Variants in SZRD1 observed in about 807,000 individuals in gnomAD.
SZRD1 encodes the protein SUZ RNA binding domain containing 1.
A neutral mutation model predicts 17.6 loss-of-function variants in SZRD1; 7 were observed. The ratio of observed to expected loss-of-function variants is 0.40; its 90% CI spans 0.23 to 0.75. The LOEUF (loss-of-function observed/expected upper bound fraction) is 0.75. Among genes scored for constraint, SZRD1 ranks in the 30% least tolerant of loss-of-function variants. The pLI, the probability that SZRD1 is intolerant of heterozygous loss-of-function variation, is 0.38. For missense variants in SZRD1, 178 were observed against 201.8 expected, an observed-to-expected ratio of 0.88 and a Z score of 0.71; for synonymous variants, 77 against 77.9, an observed-to-expected ratio of 0.99 and a Z score of 0.06.
chr1:16,374,888 GT>G (rs550692966), intron 1 of SZRD1, among the ~76,000 whole-genome samples: 2 of 148,800 alleles, frequency 1.3e-5, no homozygotes, highest in African/African-American at 2.4e-5. Flanking sequence ...GTTTTGTTTT[GT>G]TTTTTTGAGA....
chr1:16,371,247 A>C (rs2082907825), intron 1 of SZRD1, among the ~76,000 whole-genome samples: 1 of 151,882 alleles, frequency 6.6e-6, no homozygotes, highest in South Asian at 2.1e-4. Flanking sequence ...GCTGGGGTGC[A>C]GTGGGGAACA....
chr1:16,374,021 T>C (rs986588604), intron 1 of SZRD1, among the ~76,000 whole-genome samples: 1 of 152,200 alleles, frequency 6.6e-6, no homozygotes, highest in African/African-American at 2.4e-5. Context: ...ATGCTTTGTG[T>C]AGCTGCTGTC....
intron 1 of SZRD1, 132 bp downstream of exon 1, chr1:16,367,440 C>A: frequency 1.2e-6 from 1 of 804,822 alleles, no homozygotes; most frequent in Non-Finnish European, 1.9e-6. Context: ...GGTGGAGAGG[C>A]CCCCAGTTCC....
intron 1 of SZRD1, chr1:16,387,629 A>C (rs1018565839): frequency 2.2e-6 from 1 of 456,692 alleles, no homozygotes; most frequent in African/African-American, 2.0e-5. Context: ...TGCCTGGTCT[A>C]TGAAGGCATT....
In SZRD1 at chr1:16,397,958, G is replaced by T. The variant is rs2102641; in HGVS notation, c.*2818G>T. ...CTGTTTTCTGGTCGTGTGATCCCAG[G>T]GGTGCACATGGGCCCCTTGGGTGTC... On this transcript the variant is annotated 3_prime_UTR_variant, in exon 4 of 4. Transcript: ENST00000401088. The surrounding 1 kb of genome is among the most constrained non-coding windows in gnomAD (Gnocchi z 5.4). 1 of 621,846 alleles carries T rather than the reference G, an allele frequency of 1.6e-6. No homozygotes were observed. Among genetic ancestry groups the T allele is most frequent in the Non-Finnish European group, 2.0e-6 (1 of 497,968 alleles). 38.5% of individuals were successfully genotyped at this position (621,846 alleles called of 1,614,324 possible).
chr1:16,373,579 C>CA (rs551574637), intron 1 of SZRD1, among the ~76,000 whole-genome samples: 3,055 of 60,700 alleles, frequency 0.05, 36 homozygotes, highest in African/African-American at 0.07. Context: ...AACTCCGTCT[C>CA]AAAAAAAAAA....
intron 1 of SZRD1, among the ~76,000 whole-genome samples, chr1:16,370,550 A>AT (rs2082897495): frequency 8.4e-6 from 1 of 118,614 alleles, no homozygotes; most frequent in South Asian, 2.7e-4. Context: ...TTTTTTTTTT[A>AT]TTTTTTGAGA....
Position 16,388,393 on chromosome 1 carries a change from A to G in SZRD1, c.52-2982A>G, listed in dbSNP as rs115381835. 6.5e-3 allele frequency among the ~76,000 whole-genome samples: 965 copies of G among 149,588 alleles called. 8 individuals carry two copies. Among genetic ancestry groups the G allele is most frequent in the African/African-American group, 0.022 (874 of 39,654 alleles). ...AGTGCTAGGATTGTAGGCGTGAGCT[A>G]CCATGCCCAGCCAAATATATAAATA... On this transcript the variant is annotated intron_variant, in intron 1 of 3. Coordinates refer to ENST00000401088, the MANE Select transcript of SZRD1 (RefSeq NM_001114600.3).
intron 1 of SZRD1, among the ~76,000 whole-genome samples, chr1:16,384,783 T>C (rs1456512630): frequency 1.3e-5 from 2 of 152,210 alleles, no homozygotes; most frequent in African/African-American, 4.8e-5. Flanking sequence ...TTTGTGTTAC[T>C]CAGGGCCTGT....
intron 1 of SZRD1, 151 bp downstream of exon 1, chr1:16,367,459 G>T (rs1481930151): frequency 4.4e-6 from 3 of 680,648 alleles, no homozygotes; most frequent in East Asian, 6.2e-5. Context: ...CCTGAGCGCC[G>T]TGAAGGCCTC....
In SZRD1 at chr1:16,386,622, G is replaced by C. The variant is rs372708962; in HGVS notation, c.52-4753G>C. 3.9e-5 allele frequency among the ~76,000 whole-genome samples: 6 copies of C among 152,268 alleles called. No homozygotes were observed. In the East Asian group the frequency reaches 1.2e-3, roughly 29 times the overall value. On this transcript the variant is annotated intron_variant, in intron 1 of 3. Coordinates refer to ENST00000401088, the MANE Select transcript of SZRD1 (RefSeq NM_001114600.3). ...GGGAGATGCGATGCCCTCTCCAGCT[G>C]CTGGCAGAGCATTCCTTCTCCTGCT...
At chr1:16,369,899 CAAAA>C (rs767599484) in intron 1 of SZRD1, among the ~76,000 whole-genome samples, 1 of 136,252 alleles carries the variant, frequency 7.3e-6, no homozygotes, top group Non-Finnish European at 1.6e-5. Context: ...AAAAAAAAAA[CAAAA>C]AAAAAAAACT....
chr1:16,369,944 G>A (rs1045538076), intron 1 of SZRD1, among the ~76,000 whole-genome samples: 1 of 149,862 alleles, frequency 6.7e-6, no homozygotes, highest in Non-Finnish European at 1.5e-5. Flanking sequence ...TTGCCTTATT[G>A]ACATCATGAA....
At chr1:16,367,433 G>A in intron 1 of SZRD1, 125 bp downstream of exon 1, 2 of 884,910 alleles carry the variant, frequency 2.3e-6, no homozygotes, top group Admixed American at 5.9e-5. Context: ...TGGGGGTGGT[G>A]GAGAGGCCCC....
chr1:16,387,808 G>A (rs970728311), intron 1 of SZRD1: 1 of 415,488 alleles, frequency 2.4e-6, no homozygotes, highest in Non-Finnish European at 4.8e-6. Context: ...ATAGGCAATA[G>A]ACTAATATGA....
rs1266298866 is a variant in SZRD1, at chr1:16,393,422, G to A, written c.296G>A (p.Arg99Gln). The change falls in exon 3 of 4, where the codon CGG becomes CAG. Residue 99 changes from arginine to glutamine, a missense_variant. By Grantham distance (43) the Arg-to-Gln change is conservative. This residue lies in a region of SZRD1 where 57 missense variants were observed against 71.9 expected (regional missense o/e 0.79). Transcript: ENST00000401088. This position sits in a 1 kb window ranked among gnomAD's most constrained non-coding sequence, Gnocchi z 5.6. Reference sequence around the variant, plus strand: ...CGAGAGGCCGAGTACGCCGAGGCCCGGAAGCGGATCCTGGGCAGCGCCAGC... The same window carrying A: ...CGAGAGGCCGAGTACGCCGAGGCCCAGAAGCGGATCCTGGGCAGCGCCAGC... ...AQREAEYAEA[R>Q]KRILGSASPE... 2 of 1,614,100 alleles carry A rather than the reference G, an allele frequency of 1.2e-6. No homozygotes were observed. The highest frequency in any genetic ancestry group is 1.3e-5 in the African/African-American group (1 of 75,062).
intron 1 of SZRD1, among the ~76,000 whole-genome samples, chr1:16,374,087 A>G (rs1287073445): frequency 6.6e-6 from 1 of 152,204 alleles, no homozygotes; most frequent in Non-Finnish European, 1.5e-5. Flanking sequence ...GTGGGAAAAA[A>G]GAGATCAATT....
chr1:16,371,530 C>T (rs578045937), intron 1 of SZRD1, among the ~76,000 whole-genome samples: 4 of 150,028 alleles, frequency 2.7e-5, no homozygotes, highest in African/African-American at 7.4e-5. Context: ...GGCGCAATCT[C>T]GGCTCATTGC....
At position 16,395,507 on chromosome 1, in the gene SZRD1, T is replaced by C; in HGVS notation, c.*367T>C. ...AATAACAGTTTATCATGCTCATTAA[T>C]TTGGGATTTCAAAACACAAATGAAA... On this transcript the variant is annotated 3_prime_UTR_variant, in exon 4 of 4. Coordinates refer to ENST00000401088, the MANE Select transcript of SZRD1 (RefSeq NM_001114600.3). The C allele has an allele frequency of 4.5e-6, 1 of 224,088 alleles. No homozygotes were observed. Among genetic ancestry groups the C allele is most frequent in the Non-Finnish European group, 9.1e-6 (1 of 110,258 alleles). The allele number at this position is 224,088 out of a possible 1,614,324, so 13.9% of individuals were successfully genotyped here. A position where few individuals can be genotyped will look rare whatever the true frequency, so the allele number is the denominator to read the frequency against.
Sources: gnomAD v4.1 joint callset for allele counts (sites outside exome capture counted in the v4.1 genomes callset) on GRCh38, gnomAD v4.1.1 for gene constraint, gnomAD v4.1.1 regional missense constraint, Gnocchi (gnomAD v3.1) non-coding constraint, MANE v1.5 for transcripts, NCBI Gene and HGNC (gene_info 2026-07-23, HGNC 2026-07-21) for gene names.